The following NREP variants were observed in gnomAD, a reference collection of about 807,000 sequenced individuals.
NREP encodes neuronal regeneration-related protein.
Under a neutral mutation model 8.6 loss-of-function variants are expected in NREP, and 5 were observed. The ratio of observed to expected loss-of-function variants is 0.58; its 90% CI spans 0.30 to 1.22. The LOEUF (loss-of-function observed/expected upper bound fraction) is 1.22, where lower values mean the gene tolerates loss of function less well. Among genes scored for constraint, NREP ranks in the 50% most tolerant of loss-of-function variants. The probability of loss-of-function intolerance (pLI) is 0.07; values close to 1 mark genes in which losing one functional copy is unlikely to be tolerated. For synonymous variants in NREP, 27 were observed against 28.0 expected (o/e 0.96, Z 0.11); for missense variants, 86 against 82.5 (o/e 1.04, Z -0.17).
intron 2 of NREP, among the ~76,000 whole-genome samples, chr5:111,888,667 G>C (rs1462917181): frequency 6.6e-6 from 1 of 152,166 alleles, no homozygotes; most frequent in Middle Eastern, 3.2e-3. Flanking sequence ...AATGAAAAGT[G>C]TACAACCTGT....
intron 2 of NREP, among the ~76,000 whole-genome samples, chr5:111,769,305 C>T (rs1331831408): frequency 6.6e-6 from 1 of 152,168 alleles, no homozygotes; most frequent in African/African-American, 2.4e-5. Context: ...AAGATAGACC[C>T]CCACACTGTC....
At chr5:111,924,493 G>A (rs1395645346) in intron 2 of NREP, among the ~76,000 whole-genome samples, 5 of 152,032 alleles carry the variant, frequency 3.3e-5, no homozygotes, top group African/African-American at 1.2e-4. Context: ...GTCTAGCACT[G>A]TGGGCCATTT....
At chr5:111,824,996 G>A (rs10478066) in intron 2 of NREP, among the ~76,000 whole-genome samples, 1 of 152,082 alleles carries the variant, frequency 6.6e-6, no homozygotes, top group African/African-American at 2.4e-5. Flanking sequence ...AGTCACAGAA[G>A]AGATATACGT....
chr5:111,905,708 A>G (rs915143507), intron 2 of NREP, among the ~76,000 whole-genome samples: 2 of 152,156 alleles, frequency 1.3e-5, no homozygotes, highest in African/African-American at 2.4e-5. Context: ...ACAAAACACC[A>G]AAGCTAAGAG....
intron 2 of NREP, among the ~76,000 whole-genome samples, chr5:111,900,967 G>A (rs886625682): frequency 1.3e-5 from 2 of 152,030 alleles, no homozygotes; most frequent in South Asian, 4.2e-4. Context: ...AAAGAAAACT[G>A]CATGCCAGTA....
intron 2 of NREP, among the ~76,000 whole-genome samples, chr5:111,913,778 G>A (rs753982869): frequency 4.6e-5 from 7 of 152,016 alleles, no homozygotes; most frequent in Non-Finnish European, 1.0e-4. Flanking sequence ...TTTGATTATA[G>A]GGATGAGGCT....
At chr5:111,971,806 A>G (rs1471981193) in intron 2 of NREP, among the ~76,000 whole-genome samples, 1 of 152,320 alleles carries the variant, frequency 6.6e-6, no homozygotes, top group East Asian at 1.9e-4. Flanking sequence ...ACTAAGAAAC[A>G]AAAAGCTCCT....
intron 2 of NREP, among the ~76,000 whole-genome samples, chr5:111,825,129 T>G (rs1027842250): frequency 6.6e-6 from 1 of 152,190 alleles, no homozygotes; most frequent in Non-Finnish European, 1.5e-5. Flanking sequence ...TATTCTGTTA[T>G]CATACATGCT....
At chr5:111,936,849 G>C (rs538543337) in intron 2 of NREP, among the ~76,000 whole-genome samples, 1 of 152,200 alleles carries the variant, frequency 6.6e-6, no homozygotes, top group East Asian at 1.9e-4. Flanking sequence ...TGAGTGGGCA[G>C]CTCTAGGCCA....
chr5:111,757,121 A>C lies in NREP; in HGVS notation c.-59+15T>G. On this transcript the variant is annotated intron_variant, in intron 1 of 3. Transcript: ENST00000257435. The stretch of plus-strand genomic sequence containing the variant: ...CCAGCGCTCCCAGCCGGGGATAGGA[A>C]TGGCATATACTTACAGACAAAAGCC... 1 of 809,242 alleles carries C rather than the reference A, an allele frequency of 1.2e-6. No individual in the cohort carries two copies. The highest frequency in any genetic ancestry group is 1.5e-6 in the Non-Finnish European group (1 of 669,690). The allele number at this position is 809,242 out of a possible 1,614,324, so 50.1% of individuals were successfully genotyped here.
chr5:111,914,021 G>C lies in NREP; in HGVS notation c.135+61253C>G, dbSNP rs142092907. Among the ~76,000 whole-genome samples the C allele has an allele frequency of 1.9e-3, 291 of 152,218 alleles. 2 individuals carry two copies. The highest frequency in any genetic ancestry group is 6.8e-3 in the African/African-American group (283 of 41,554). On this transcript the variant is annotated intron_variant, in intron 2 of 3. Transcript: ENST00000395634. ...TATTTGGTGGCTGCTGGTACTTTTAGATATGAGTCAATTTAGTAGATAAAA... is the reference window on the plus strand; with the variant it reads ...TATTTGGTGGCTGCTGGTACTTTTACATATGAGTCAATTTAGTAGATAAAA...
chr5:111,763,009 C>A (rs979762932), intron 2 of NREP, among the ~76,000 whole-genome samples: 1 of 152,194 alleles, frequency 6.6e-6, no homozygotes, highest in Non-Finnish European at 1.5e-5. Context: ...CACTAAAATT[C>A]ACGGCTCGTT....
chr5:111,766,107 T>G (rs1226324538), intron 2 of NREP, among the ~76,000 whole-genome samples: 2 of 152,230 alleles, frequency 1.3e-5, no homozygotes, highest in Non-Finnish European at 2.9e-5. Flanking sequence ...CTTCGTAACT[T>G]CAAGTTCATC....
chr5:111,880,856 T>G (rs1325597351), intron 2 of NREP, among the ~76,000 whole-genome samples: 1 of 150,532 alleles, frequency 6.6e-6, no homozygotes, highest in Non-Finnish European at 1.5e-5. Flanking sequence ...CCAAGATGGC[T>G]GAATAGGAAC....
intron 2 of NREP, among the ~76,000 whole-genome samples, chr5:111,770,854 G>A (rs961828700): frequency 2.0e-5 from 3 of 152,130 alleles, no homozygotes; most frequent in African/African-American, 7.2e-5. Flanking sequence ...ACAGGTGTGA[G>A]CCACTAAGCC....
At chr5:111,976,707 T>A (rs1244062997) in intron 1 of NREP, 12 of 1,549,902 alleles carry the variant, frequency 7.7e-6, no homozygotes, top group Middle Eastern at 1.7e-4. Flanking sequence ...ATTCTTCACA[T>A]ACCAAAGCAG....
intron 2 of NREP, among the ~76,000 whole-genome samples, chr5:111,841,098 G>C (rs1561688897): frequency 6.6e-6 from 1 of 152,040 alleles, no homozygotes; most frequent in East Asian, 1.9e-4. Context: ...CAGGAGTTTT[G>C]GAAGAGTGAA....
chr5:111,818,767 C>G (rs1752449748), intron 2 of NREP, among the ~76,000 whole-genome samples: 1 of 152,028 alleles, frequency 6.6e-6, no homozygotes, highest in East Asian at 1.9e-4. Context: ...TGAAAACAAT[C>G]TGATTGTAGT....
intron 2 of NREP, among the ~76,000 whole-genome samples, chr5:111,867,950 CA>C (rs1363582574): frequency 6.6e-6 from 1 of 151,828 alleles, no homozygotes. Context: ...TTTATAATTC[CA>C]AAAAGAATCC....
Sources: gnomAD v4.1 joint callset for allele counts (sites outside exome capture counted in the v4.1 genomes callset) on GRCh38, gnomAD v4.1.1 for gene constraint, MANE v1.5 for transcripts, NCBI Gene and HGNC (gene_info 2026-07-23, HGNC 2026-07-21) for gene names.